Variants in CTNNA2 observed in about 807,000 individuals in gnomAD.
CTNNA2 encodes the protein catenin alpha-2.
CTNNA2 carries 42 observed loss-of-function variants against 101.0 expected under a neutral mutation model. The ratio of observed to expected loss-of-function variants is 0.42; its 90% CI spans 0.32 to 0.54. The LOEUF is 0.54. Ranked by LOEUF, CTNNA2 falls within the 20% of genes least tolerant of loss-of-function variation. The pLI, the probability that CTNNA2 is intolerant of heterozygous loss-of-function variation, is 0.14. For missense variants in CTNNA2, 871 were observed against 1,223.1 expected (o/e 0.71, Z 4.29); for synonymous variants, 450 against 456.4 (o/e 0.99, Z 0.18).
intron 2 of CTNNA2, among the ~76,000 whole-genome samples, chr2:79,738,275 C>T (rs552667898): frequency 3.7e-4 from 56 of 152,320 alleles, no homozygotes; most frequent in African/African-American, 1.3e-3. Context: ...CACTTACACT[C>T]TTACCTGTGA....
intron 12 of CTNNA2, among the ~76,000 whole-genome samples, chr2:80,569,633 G>GTTTTT (rs70940088): frequency 0.01 from 523 of 51,704 alleles, 108 homozygotes; most frequent in South Asian, 0.014. Context: ...GGGTATTTAG[G>GTTTTT]TTTTTTTTTT....
chr2:79,528,071 A>G (rs758003895), intron 1 of CTNNA2, among the ~76,000 whole-genome samples: 4 of 152,234 alleles, frequency 2.6e-5, no homozygotes, highest in Non-Finnish European at 4.4e-5. Flanking sequence ...AAAATATCAC[A>G]TATTGTTTGA....
intron 7 of CTNNA2, among the ~76,000 whole-genome samples, chr2:79,997,198 T>C (rs185752729): frequency 3.3e-5 from 5 of 152,192 alleles, no homozygotes; most frequent in Admixed American, 2.0e-4. Context: ...AACAGAAAGC[T>C]GAAAAATCAA....
At chr2:79,690,536 C>T (rs944848239) in intron 2 of CTNNA2, among the ~76,000 whole-genome samples, 9 of 151,902 alleles carry the variant, frequency 5.9e-5, no homozygotes, top group Non-Finnish European at 1.2e-4. Flanking sequence ...TCCAGTCTAT[C>T]GTTGATGGGC....
intron 7 of CTNNA2, among the ~76,000 whole-genome samples, chr2:80,375,565 T>C (rs1345638803): frequency 3.7e-5 from 5 of 133,878 alleles, no homozygotes; most frequent in South Asian, 5.4e-4. Flanking sequence ...CTGGCTTCTT[T>C]TTTTTTTTTT....
chr2:80,163,519 C>T (rs1221465581), intron 7 of CTNNA2, among the ~76,000 whole-genome samples: 1 of 151,696 alleles, frequency 6.6e-6, no homozygotes, highest in African/African-American at 2.4e-5. Context: ...GTTTTATGAC[C>T]CAGGATATGG....
rs1385798609 is a variant in CTNNA2, at chr2:79,207,329, C to A, written c.-406+9253C>A. ...AAAGCCCCGGTTTCACCTAGGTAGT[C>A]CAGTAGGAGACCACCACCTCTTTAA... On this transcript the variant is annotated intron_variant, in intron 2 of 21. Transcript: ENST00000466387. Among the ~76,000 whole-genome samples, 3 of 152,096 alleles carry A rather than the reference C, an allele frequency of 2.0e-5. No individual in the cohort carries two copies. In the East Asian group the frequency reaches 5.8e-4, roughly 29 times the overall value.
intron 7 of CTNNA2, among the ~76,000 whole-genome samples, chr2:80,171,232 A>T (rs1705030589): frequency 6.6e-6 from 1 of 152,322 alleles, no homozygotes; most frequent in Non-Finnish European, 1.5e-5. Context: ...ATCGTGCTTG[A>T]TGGAAAAGCA....
intron 2 of CTNNA2, among the ~76,000 whole-genome samples, chr2:79,235,010 T>C (rs1674538583): frequency 6.6e-6 from 1 of 152,192 alleles, no homozygotes; most frequent in African/African-American, 2.4e-5. Context: ...AGATTCTAAA[T>C]TCTATGTCCA....
At chr2:79,718,372 TAATA>T (rs1283088809) in intron 2 of CTNNA2, among the ~76,000 whole-genome samples, 5 of 152,168 alleles carry the variant, frequency 3.3e-5, no homozygotes, top group African/African-American at 1.2e-4. Context: ...TTGACACTAT[TAATA>T]AATTAATTAT....
chr2:79,433,664 G>C (rs1273818641), intron 4 of CTNNA2, among the ~76,000 whole-genome samples: 1 of 125,782 alleles, frequency 8.0e-6, no homozygotes. Flanking sequence ...GTCCTAAGAA[G>C]AAAACATAAA....
At chr2:80,201,367 CTTTTTTTTTTT>C (rs60448795) in intron 7 of CTNNA2, among the ~76,000 whole-genome samples, 2 of 80,732 alleles carry the variant, frequency 2.5e-5, no homozygotes, top group African/African-American at 5.3e-5. Context: ...CTTTTTCTTT[CTTTTTTTTTTT>C]TTTTTTTTTT....
At chr2:79,951,294 A>G (rs1003630875) in intron 7 of CTNNA2, among the ~76,000 whole-genome samples, 9 of 152,198 alleles carry the variant, frequency 5.9e-5, no homozygotes, top group Non-Finnish European at 7.3e-5. Flanking sequence ...GCCCAAAGAT[A>G]AAGTGCTTCA....
intron 7 of CTNNA2, among the ~76,000 whole-genome samples, chr2:80,356,716 A>G (rs962581882): frequency 6.6e-6 from 1 of 152,072 alleles, no homozygotes; most frequent in Non-Finnish European, 1.5e-5. Flanking sequence ...CATTAATCTC[A>G]CCATCCAGGG....
At chr2:79,466,297 A>G (rs1471025346) in intron 4 of CTNNA2, among the ~76,000 whole-genome samples, 1 of 152,204 alleles carries the variant, frequency 6.6e-6, no homozygotes, top group Non-Finnish European at 1.5e-5. Context: ...CAGCAGTCTG[A>G]GATCGAACTG....
At chr2:79,243,195 G>A (rs1187583670) in intron 2 of CTNNA2, among the ~76,000 whole-genome samples, 1 of 151,980 alleles carries the variant, frequency 6.6e-6, no homozygotes, top group African/African-American at 2.4e-5. Context: ...ATCCAGTCAG[G>A]GAAGCTGACT....
At chr2:79,772,938 T>A (rs1168636267) in intron 3 of CTNNA2, among the ~76,000 whole-genome samples, 8 of 152,236 alleles carry the variant, frequency 5.3e-5, no homozygotes, top group Admixed American at 5.2e-4. Flanking sequence ...CATTTTCAGT[T>A]GTTCTATCAA....
At chr2:80,556,972 T>C (rs1693095608) in intron 12 of CTNNA2, among the ~76,000 whole-genome samples, 1 of 152,200 alleles carries the variant, frequency 6.6e-6, no homozygotes, top group African/African-American at 2.4e-5. Flanking sequence ...ATGAGATGTG[T>C]TGGTAGAAAT....
At chr2:80,004,807 A>G (rs1474587785) in intron 7 of CTNNA2, among the ~76,000 whole-genome samples, 2 of 151,702 alleles carry the variant, frequency 1.3e-5, no homozygotes, top group Non-Finnish European at 1.5e-5. Flanking sequence ...GGTTCAAGCA[A>G]TTCTCCTGCT....
Sources: gnomAD v4.1 joint callset for allele counts (sites outside exome capture counted in the v4.1 genomes callset) on GRCh38, gnomAD v4.1.1 for gene constraint, MANE v1.5 for transcripts, NCBI Gene and HGNC (gene_info 2026-07-23, HGNC 2026-07-21) for gene names.